The following NEMP2 variants were observed in gnomAD, a reference collection of about 807,000 sequenced individuals.
NEMP2 encodes the protein UPF0571 transmembrane protein.
A neutral mutation model predicts 54.2 loss-of-function variants in NEMP2; 53 were observed. The observed-to-expected ratio is 0.98, with a 90% CI of 0.78 to 1.23. The LOEUF is 1.23. Ranked by LOEUF, NEMP2 falls within the 50% of genes most tolerant of loss-of-function variation. The pLI is 0.00. For synonymous variants in NEMP2, 197 were observed against 190.3 expected (o/e 1.04, Z -0.29); for missense variants, 455 against 511.3 (o/e 0.89, Z 1.06).
rs1336571698 is a variant in NEMP2 at position 190,509,954 on chromosome 2, T to C, written c.1130+407A>G. Reference sequence around the variant, plus strand: ...TACTCAAGTGGCTGAGGCAGGAGAATTGCTTGAACCTGGCAGGCGGAGGTT... The same window carrying C: ...TACTCAAGTGGCTGAGGCAGGAGAACTGCTTGAACCTGGCAGGCGGAGGTT... On this transcript the variant is annotated intron_variant, in intron 8 of 8. Transcript: ENST00000409150. This position sits in a 1 kb window ranked among gnomAD's most constrained non-coding sequence, Gnocchi z 6.1. Among the ~76,000 whole-genome samples the C allele has an allele frequency of 6.6e-6, 1 of 152,208 alleles. No individual in the cohort carries two copies. Among genetic ancestry groups the C allele is most frequent in the Non-Finnish European group, 1.5e-5 (1 of 68,046 alleles).
chr2:190,552,462 G>A, the NEMP2 span, among the ~76,000 whole-genome samples: 2 of 150,670 alleles, frequency 1.3e-5, no homozygotes, highest in African/African-American at 4.8e-5. Context: ...GCTGGTCAAG[G>A]TGGCTCCTGC....
chr2:190,452,317 A>G, the NEMP2 span, among the ~76,000 whole-genome samples: 1 of 152,170 alleles, frequency 6.6e-6, no homozygotes, highest in Non-Finnish European at 1.5e-5. Flanking sequence ...AACAAAAATT[A>G]TAATTATGGG....
rs1004639416 is a variant in NEMP2 at position 190,519,287 on chromosome 2, T to C, written c.214-104A>G. 4.4e-5 allele frequency: 35 copies of C among 789,752 alleles called. 1 individual carries two copies. The Admixed American group carries it at 7.6e-4, about 17-fold the overall frequency. The allele number at this position is 789,752 out of a possible 1,614,324, so 48.9% of individuals were successfully genotyped here. ...CCCAGAATGGAGTGCAGTGGCAGGA[T>C]CTCTGCTCACTGCAACCTGTGCCTC... On this transcript the variant is annotated intron_variant, in intron 2 of 8. Coordinates refer to ENST00000409150, the MANE Select transcript of NEMP2 (RefSeq NM_001142645.2). This position sits in a 1 kb window ranked among gnomAD's most constrained non-coding sequence, Gnocchi z 5.4.
At chr2:190,484,436 A>T in the NEMP2 span, among the ~76,000 whole-genome samples, 1 of 152,198 alleles carries the variant, frequency 6.6e-6, no homozygotes, top group African/African-American at 2.4e-5. Flanking sequence ...CTAGTTTATA[A>T]TATCTTTTGT....
At position 190,514,875 on chromosome 2, in the gene NEMP2, TA is replaced by T. The variant is rs1690498099; in HGVS notation, c.728-198del. 6.6e-6 allele frequency among the ~76,000 whole-genome samples: 1 copy of T among 152,136 alleles called. No homozygotes were observed. Among genetic ancestry groups the T allele is most frequent in the Non-Finnish European group, 1.5e-5 (1 of 68,018 alleles). Reference sequence around the variant, plus strand: ...TGAGATACTAGGCTGACTTTCGCAATAATTTGGGATGTACACTCATTATTAT... The same window carrying T: ...TGAGATACTAGGCTGACTTTCGCAATATTTGGGATGTACACTCATTATTAT... On this transcript the variant is annotated intron_variant, in intron 6 of 8. Coordinates refer to ENST00000409150, the MANE Select transcript of NEMP2 (RefSeq NM_001142645.2). This position sits in a 1 kb window ranked among gnomAD's most constrained non-coding sequence, Gnocchi z 5.7.
the NEMP2 span, among the ~76,000 whole-genome samples, chr2:190,555,246 A>G: frequency 6.6e-6 from 1 of 152,130 alleles, no homozygotes; most frequent in Non-Finnish European, 1.5e-5. This position sits in a 1 kb window ranked among gnomAD's most constrained non-coding sequence, Gnocchi z 4.8. Context: ...GATTCCAAAA[A>G]CCAGAATGCC....
the NEMP2 span, among the ~76,000 whole-genome samples, chr2:190,642,147 T>C: frequency 2.0e-5 from 3 of 152,220 alleles, no homozygotes; most frequent in African/African-American, 7.2e-5. This position sits in a 1 kb window ranked among gnomAD's most constrained non-coding sequence, Gnocchi z 4.1. Flanking sequence ...AACACTTGTA[T>C]TTTCACTTGT....
At chr2:190,622,218 A>G in the NEMP2 span, among the ~76,000 whole-genome samples, 1 of 152,138 alleles carries the variant, frequency 6.6e-6, no homozygotes, top group African/African-American at 2.4e-5. Flanking sequence ...GCTGGGCAAC[A>G]TAGCAAGATC....
chr2:190,473,257 G>A, the NEMP2 span, among the ~76,000 whole-genome samples: 1 of 152,070 alleles, frequency 6.6e-6, no homozygotes, highest in Non-Finnish European at 1.5e-5. Context: ...AAATATAAAT[G>A]GGCTAAATGC....
In NEMP2 at chr2:190,514,805, T is replaced by A; in HGVS notation, c.728-127A>T. 5.9e-6 allele frequency: 5 copies of A among 842,232 alleles called. No individual in the cohort carries two copies. The highest frequency in any genetic ancestry group is 9.2e-6 in the Non-Finnish European group (5 of 541,176). 52.2% of individuals were successfully genotyped at this position (842,232 alleles called of 1,614,324 possible). ...CTTAATTTTTGTGTTTTTTACCCCA[T>A]AAAGTAAGGTTGAAAAATGCACATA... is the stretch of plus-strand genomic sequence containing the variant. On this transcript the variant is annotated intron_variant, in intron 6 of 8. Transcript: ENST00000409150. This position sits in a 1 kb window ranked among gnomAD's most constrained non-coding sequence, Gnocchi z 5.7.
chr2:190,557,639 A>G, the NEMP2 span, among the ~76,000 whole-genome samples: 3 of 152,172 alleles, frequency 2.0e-5, no homozygotes, highest in African/African-American at 7.2e-5. Flanking sequence ...AAAAAAAAAC[A>G]ACCCCATCAA....
the NEMP2 span, among the ~76,000 whole-genome samples, chr2:190,554,258 G>T: frequency 3.9e-5 from 6 of 152,174 alleles, no homozygotes; most frequent in South Asian, 1.0e-3. The surrounding 1 kb of genome is among the most constrained non-coding windows in gnomAD (Gnocchi z 5.7). Context: ...CTAGCCGCAG[G>T]AGTTTTTTTT....
chr2:190,449,677 T>A, the NEMP2 span, among the ~76,000 whole-genome samples: 72 of 152,252 alleles, frequency 4.7e-4, 1 homozygote, highest in African/African-American at 1.7e-3. Flanking sequence ...TGAAATACTA[T>A]GCAGCCATAA....
At chr2:190,553,048 TC>T in the NEMP2 span, among the ~76,000 whole-genome samples, 1 of 151,602 alleles carries the variant, frequency 6.6e-6, no homozygotes, top group Non-Finnish European at 1.5e-5. Context: ...AATAACAATT[TC>T]TTTTTTTTTT....
chr2:190,589,512 T>G, the NEMP2 span, among the ~76,000 whole-genome samples: 2 of 152,194 alleles, frequency 1.3e-5, no homozygotes, highest in African/African-American at 4.8e-5. This position sits in a 1 kb window ranked among gnomAD's most constrained non-coding sequence, Gnocchi z 4.3. Context: ...GATTGGTACC[T>G]ATTGCTTTGG....
chr2:190,628,397 C>A, the NEMP2 span: 1 of 152,272 alleles, frequency 6.6e-6, no homozygotes, highest in African/African-American at 2.4e-5. This position sits in a 1 kb window ranked among gnomAD's most constrained non-coding sequence, Gnocchi z 4.1. Context: ...GGAAGGAAAC[C>A]TTTTAGACTT....
the NEMP2 span, among the ~76,000 whole-genome samples, chr2:190,630,048 C>T: frequency 2.0e-5 from 3 of 152,184 alleles, no homozygotes; most frequent in Non-Finnish European, 2.9e-5. This position sits in a 1 kb window ranked among gnomAD's most constrained non-coding sequence, Gnocchi z 5.5. Context: ...AGGATTTTTT[C>T]GGATGCTCAA....
chr2:190,566,822 A>G, the NEMP2 span, among the ~76,000 whole-genome samples: 1 of 152,114 alleles, frequency 6.6e-6, no homozygotes, highest in East Asian at 1.9e-4. Flanking sequence ...TTTCCCCAAA[A>G]AAGTTAAATA....
At chr2:190,469,733 A>ATTTTAAT in the NEMP2 span, 8 of 1,122,570 alleles carry the variant, frequency 7.1e-6, no homozygotes, top group Non-Finnish European at 9.5e-6. This position sits in a 1 kb window ranked among gnomAD's most constrained non-coding sequence, Gnocchi z 5.3. Flanking sequence ...TTTTTATTTT[A>ATTTTAAT]TTTTTATTTT....
Sources: allele counts gnomAD v4.1 joint callset (sites outside exome capture counted in the v4.1 genomes callset), GRCh38; gene constraint gnomAD v4.1.1; non-coding constraint Gnocchi (gnomAD v3.1); transcripts MANE v1.5; gene names NCBI Gene and HGNC (gene_info 2026-07-23, HGNC 2026-07-21).